UVRAG: variants seen among roughly 807,000 people sequenced by gnomAD.
The protein encoded by UVRAG is UV radiation resistance associated.
Under a neutral mutation model 78.0 loss-of-function variants are expected in UVRAG, and 19 were observed. That is an observed-to-expected ratio of 0.24 (90% CI 0.17 to 0.36). The LOEUF (loss-of-function observed/expected upper bound fraction) is 0.36. Ranked by LOEUF, UVRAG falls within the 10% of genes least tolerant of loss-of-function variation. UVRAG has a pLI of 1.00. For missense variants in UVRAG, 740 were observed against 853.8 expected (o/e 0.87, Z 1.66); for synonymous variants, 323 against 324.6 (o/e 1.00, Z 0.05).
Position 75,943,101 on chromosome 11 carries a change from G to T in UVRAG, c.594-18343G>T, listed in dbSNP as rs115892824. ...AAAAAGTCCCACCTCCCAATACTAT[G>T]GCAATTAATTTCAACATGAGTTTGG... is the stretch of plus-strand genomic sequence containing the variant. On this transcript the variant is annotated intron_variant, in intron 6 of 14. Transcript: ENST00000356136. Among the ~76,000 whole-genome samples, 815 of 152,000 alleles carry T rather than the reference G, an allele frequency of 5.4e-3. 8 individuals carry two copies. The highest frequency in any genetic ancestry group is 0.019 in the African/African-American group (770 of 41,472).
Position 76,126,193 on chromosome 11 carries a change from G to A in UVRAG, c.1397+10178G>A, listed in dbSNP as rs138937561. Among the ~76,000 whole-genome samples, 256 of 151,960 alleles carry A rather than the reference G, an allele frequency of 1.7e-3. 2 individuals carry two copies. Among genetic ancestry groups the A allele is most frequent in the African/African-American group, 5.7e-3 (238 of 41,442 alleles). ...CCTGACCTCGTGATCCACCTGCCTC[G>A]GCCTCCCAAAGTGCTGGGATTACAG... On this transcript the variant is annotated intron_variant, in intron 14 of 14. Transcript: ENST00000356136.
At position 75,896,747 on chromosome 11, in the gene UVRAG, T is replaced by G. The variant is rs140968220; in HGVS notation, c.507+7844T>G. ...AATCATTGAGAATAAAAATCTTGAG[T>G]AGATGATATTTGTTCCACCCTGGGT... On this transcript the variant is annotated intron_variant, in intron 5 of 14. Transcript: ENST00000356136. Among the ~76,000 whole-genome samples the G allele has an allele frequency of 4.2e-3, 634 of 152,294 alleles. 5 individuals are homozygous for G. The highest frequency in any genetic ancestry group is 0.015 in the African/African-American group (610 of 41,548).
chr11:75,860,091 C>T (rs1417481306), intron 2 of UVRAG, among the ~76,000 whole-genome samples: 3 of 152,110 alleles, frequency 2.0e-5, no homozygotes, highest in Non-Finnish European at 4.4e-5. Flanking sequence ...ATTACAGGCA[C>T]CCACCACCAC....
At chr11:76,034,087 T>C (rs905041691) in intron 12 of UVRAG, among the ~76,000 whole-genome samples, 2 of 152,218 alleles carry the variant, frequency 1.3e-5, no homozygotes, top group Non-Finnish European at 2.9e-5. Context: ...TTACCATTAT[T>C]GTGTTTTGGA....
chr11:75,897,871 A>ATTTTTTTT lies in UVRAG; in HGVS notation c.507+8979_507+8986dup, dbSNP rs146122619. ...ATATACTTACCTTCATAGCTCTTTA[A>ATTTTTTTT]TTTTTTTTTTTTTTTTTTGGACAAG... On this transcript the variant is annotated intron_variant, in intron 5 of 14. Coordinates refer to ENST00000356136, the MANE Select transcript of UVRAG (RefSeq NM_003369.4). 6.4e-4 allele frequency among the ~76,000 whole-genome samples: 70 copies of ATTTTTTTT among 108,880 alleles called. 4 individuals are homozygous for ATTTTTTTT. The highest frequency in any genetic ancestry group is 2.8e-3 in the African/African-American group (69 of 24,734). 71.4% of individuals were successfully genotyped at this position (108,880 alleles called of 152,430 possible).
intron 3 of UVRAG, among the ~76,000 whole-genome samples, chr11:75,871,498 G>A (rs930473116): frequency 6.6e-6 from 1 of 151,596 alleles, no homozygotes; most frequent in Admixed American, 6.6e-5. Context: ...TGGCCAGATT[G>A]GTCTCGAACT....
chr11:75,844,589 A>G (rs1945993891), intron 1 of UVRAG, among the ~76,000 whole-genome samples: 2 of 152,068 alleles, frequency 1.3e-5, no homozygotes, highest in South Asian at 4.1e-4. Flanking sequence ...GGTTTTTTGG[A>G]AGCACTGGTT....
intron 7 of UVRAG, among the ~76,000 whole-genome samples, chr11:75,968,081 C>T (rs946143983): frequency 2.0e-5 from 3 of 152,266 alleles, no homozygotes; most frequent in Middle Eastern, 6.8e-3. Flanking sequence ...TTTCCTTGAG[C>T]ATCATATTGG....
chr11:76,046,705 CTCA>C (rs138732014), intron 12 of UVRAG, among the ~76,000 whole-genome samples: 1,603 of 152,144 alleles, frequency 0.011, 23 homozygotes, highest in African/African-American at 0.037. Flanking sequence ...GAGCTATATC[CTCA>C]TCTTCCCCAG....
intron 6 of UVRAG, among the ~76,000 whole-genome samples, chr11:75,924,083 T>C (rs1312033219): frequency 6.6e-6 from 1 of 152,194 alleles, no homozygotes; most frequent in African/African-American, 2.4e-5. Flanking sequence ...CAGTTTACAA[T>C]GTTGTTCCTA....
chr11:75,874,755 G>A (rs1389947565), intron 3 of UVRAG, among the ~76,000 whole-genome samples: 1 of 152,120 alleles, frequency 6.6e-6, no homozygotes, highest in Admixed American at 6.5e-5. Context: ...TTCTGTTCAA[G>A]CTTCATAAAA....
intron 8 of UVRAG, among the ~76,000 whole-genome samples, chr11:75,993,667 A>T (rs897992489): frequency 6.6e-6 from 1 of 152,214 alleles, no homozygotes; most frequent in African/African-American, 2.4e-5. Flanking sequence ...TGTTGGTTTT[A>T]TGGAAGTGTG....
intron 1 of UVRAG, among the ~76,000 whole-genome samples, chr11:75,842,829 T>C (rs936336583): frequency 6.6e-6 from 1 of 152,234 alleles, no homozygotes; most frequent in African/African-American, 2.4e-5. Flanking sequence ...ATAACTCTTA[T>C]AGATTAAGCA....
chr11:75,920,174 T>C (rs1947950431), intron 6 of UVRAG, among the ~76,000 whole-genome samples: 1 of 151,626 alleles, frequency 6.6e-6, no homozygotes, highest in Non-Finnish European at 1.5e-5. Context: ...TACAGGCACG[T>C]GCCACCACGC....
At chr11:75,827,300 T>TAA (rs1565332898) in intron 1 of UVRAG, among the ~76,000 whole-genome samples, 2 of 152,108 alleles carry the variant, frequency 1.3e-5, no homozygotes, top group Non-Finnish European at 2.9e-5. Flanking sequence ...ATTCGTGTGT[T>TAA]CATATTAGCG....
intron 4 of UVRAG, among the ~76,000 whole-genome samples, chr11:75,885,759 C>T (rs1271038250): frequency 1.3e-5 from 2 of 151,988 alleles, no homozygotes; most frequent in African/African-American, 2.4e-5. Context: ...TTTAGCAGTT[C>T]GGAAATGTGC....
intron 6 of UVRAG, among the ~76,000 whole-genome samples, chr11:75,928,118 A>G (rs536623050): frequency 6.6e-6 from 1 of 152,196 alleles, no homozygotes; most frequent in African/African-American, 2.4e-5. Flanking sequence ...AGAAAAAAAA[A>G]ATGCCTTTGG....
chr11:75,907,848 C>T (rs953495950), intron 5 of UVRAG, among the ~76,000 whole-genome samples: 1 of 152,052 alleles, frequency 6.6e-6, no homozygotes, highest in Admixed American at 6.6e-5. Flanking sequence ...AATTCCCTTG[C>T]ATACCGTGTA....
intron 8 of UVRAG, among the ~76,000 whole-genome samples, chr11:76,000,469 A>G (rs1565112950): frequency 6.6e-6 from 1 of 152,000 alleles, no homozygotes; most frequent in Non-Finnish European, 1.5e-5. Context: ...TTCACCAGGC[A>G]TGATGGAGTG....
Sources: gnomAD v4.1 joint callset for allele counts (sites outside exome capture counted in the v4.1 genomes callset) on GRCh38, gnomAD v4.1.1 for gene constraint, MANE v1.5 for transcripts, NCBI Gene and HGNC (gene_info 2026-07-23, HGNC 2026-07-21) for gene names.